MYBPC1: variants seen among roughly 807,000 people sequenced by gnomAD.
MYBPC1 encodes the protein myosin-binding protein C, slow-type.
In MYBPC1, 52 loss-of-function variants were observed where a neutral mutation model predicts 147.1. That is an observed-to-expected ratio of 0.35 (90% confidence interval 0.28 to 0.45). The LOEUF is 0.45. Among genes scored for constraint, MYBPC1 ranks in the 20% least tolerant of loss-of-function variants. The pLI is 1.00. For synonymous variants in MYBPC1, 477 were observed against 475.9 expected (o/e 1.00, Z -0.03); for missense variants, 1,228 against 1,440.3 (o/e 0.85, Z 2.39).
chr12:101,673,296 A>G, intron 24 of MYBPC1, 131 bp from the exon 25 acceptor site: 1 of 871,546 alleles, frequency 1.1e-6, no homozygotes, highest in Non-Finnish European at 1.9e-6. Context: ...ATTGCTCACC[A>G]CCAGACTAGA....
intron 1 of MYBPC1, among the ~76,000 whole-genome samples, chr12:101,599,728 T>C (rs990922581): frequency 1.3e-5 from 2 of 152,232 alleles, no homozygotes; most frequent in African/African-American, 4.8e-5. Flanking sequence ...AGGGCAATTG[T>C]TTCCCTTTTG....
chr12:101,651,108 G>T, intron 15 of MYBPC1, 123 bp from the exon 16 acceptor site: 1 of 1,036,392 alleles, frequency 9.6e-7, no homozygotes, highest in Admixed American at 1.7e-5. Context: ...AATTGCATTG[G>T]TACAGCTTCT....
chr12:101,662,804 C>T (rs913077630), intron 21 of MYBPC1, among the ~76,000 whole-genome samples: 1 of 152,184 alleles, frequency 6.6e-6, no homozygotes, highest in South Asian at 2.1e-4. Flanking sequence ...GATTGCCATT[C>T]CCCACTGAAA....
intron 19 of MYBPC1, 63 bp from the exon 20 acceptor site, chr12:101,661,095 T>C: frequency 2.0e-6 from 2 of 1,025,624 alleles, no homozygotes; most frequent in East Asian, 4.9e-5. Flanking sequence ...TATTTTCCTA[T>C]TAACTTTTTT....
chr12:101,685,796 T>G lies in MYBPC1; in HGVS notation c.*234T>G. 9.0e-6 allele frequency: 5 copies of G among 555,432 alleles called. No homozygotes were observed. The highest frequency in any genetic ancestry group is 1.5e-5 in the Non-Finnish European group (5 of 344,472). 34.4% of individuals were successfully genotyped at this position (555,432 alleles called of 1,614,324 possible). ...CCCCAAGTGTGGTCTTTTTCTTTCC[T>G]CCTAATGTTGAAGAGAAAAAAAAAA... On this transcript the variant is annotated 3_prime_UTR_variant, in exon 32 of 32. Transcript: ENST00000361466.
rs144925233 is a variant in MYBPC1 at position 101,648,479 on chromosome 12, G to T, written c.1196+329G>T. 1.9e-3 allele frequency among the ~76,000 whole-genome samples: 293 copies of T among 152,274 alleles called. 5 individuals carry two copies. The highest frequency in any genetic ancestry group is 6.7e-3 in the African/African-American group (280 of 41,560). On this transcript the variant is annotated intron_variant, in intron 14 of 31. Transcript: ENST00000361466. ...TTTATAGCAGGCTTCCTCTCACTAT[G>T]CCATATTGGCAACTTACATGAAAAA...
At chr12:101,661,096 T>G in intron 19 of MYBPC1, 62 bp from the exon 20 acceptor site, 1 of 1,042,420 alleles carries the variant, frequency 9.6e-7, no homozygotes, top group Non-Finnish European at 1.5e-6. Flanking sequence ...ATTTTCCTAT[T>G]AACTTTTTTT....
intron 24 of MYBPC1, among the ~76,000 whole-genome samples, chr12:101,671,369 G>C (rs540394859): frequency 6.7e-6 from 1 of 149,398 alleles, no homozygotes; most frequent in African/African-American, 2.5e-5. Flanking sequence ...ATGCACACAT[G>C]CACACACAGA....
chr12:101,691,170 C>A, the MYBPC1 span, among the ~76,000 whole-genome samples: 1 of 152,184 alleles, frequency 6.6e-6, no homozygotes, highest in African/African-American at 2.4e-5. Context: ...CTCCTGGGTT[C>A]AAGCAATTCT....
chr12:101,598,359 A>G (rs929305348), intron 1 of MYBPC1, among the ~76,000 whole-genome samples: 3 of 152,032 alleles, frequency 2.0e-5, no homozygotes, highest in African/African-American at 7.2e-5. Flanking sequence ...TTTTCCAGTC[A>G]AAAAGAAATT....
At chr12:101,628,818 C>T (rs1334212555) in intron 5 of MYBPC1, among the ~76,000 whole-genome samples, 2 of 152,196 alleles carry the variant, frequency 1.3e-5, no homozygotes, top group East Asian at 3.8e-4. Flanking sequence ...TTTTGCTTTT[C>T]CCCCTTGCAG....
intron 7 of MYBPC1, 22 bp downstream of exon 7, chr12:101,631,741 A>T (rs985216959): frequency 2.0e-5 from 33 of 1,613,734 alleles, no homozygotes; most frequent in Non-Finnish European, 2.7e-5. Flanking sequence ...AACTCCCAGG[A>T]CAGGCGCTCA....
chr12:101,670,280 C>A (rs3751246), intron 23 of MYBPC1, 41 bp from the exon 24 acceptor site: 2 of 1,541,290 alleles, frequency 1.3e-6, no homozygotes, highest in Non-Finnish European at 1.8e-6. Context: ...TTTTCAGACA[C>A]CAGACTGATT....
At chr12:101,692,427 G>A in the MYBPC1 span, among the ~76,000 whole-genome samples, 56 of 152,256 alleles carry the variant, frequency 3.7e-4, no homozygotes, top group Admixed American at 2.8e-3. Flanking sequence ...TTTTGCAGTC[G>A]TTGGGAACAT....
chr12:101,694,315 C>T, the MYBPC1 span, among the ~76,000 whole-genome samples: 1 of 152,126 alleles, frequency 6.6e-6, no homozygotes, highest in Non-Finnish European at 1.5e-5. Flanking sequence ...AAAGTGCAGT[C>T]ACATGTTTTT....
At chr12:101,691,344 T>C in the MYBPC1 span, among the ~76,000 whole-genome samples, 4 of 152,194 alleles carry the variant, frequency 2.6e-5, no homozygotes, top group Non-Finnish European at 5.9e-5. Context: ...AGTGCTGGGA[T>C]TACAGGTGTG....
At chr12:101,629,955 T>G (rs1889542467) in intron 6 of MYBPC1, among the ~76,000 whole-genome samples, 1 of 152,144 alleles carries the variant, frequency 6.6e-6, no homozygotes, top group African/African-American at 2.4e-5. Flanking sequence ...ATTAGTACGT[T>G]CGCAATGTTG....
At chr12:101,631,438 A>C in intron 6 of MYBPC1, 133 bp from the exon 7 acceptor site, 1 of 1,060,972 alleles carries the variant, frequency 9.4e-7, no homozygotes, top group Non-Finnish European at 1.4e-6. Context: ...ATCAGGACGA[A>C]TTCATTTCAC....
intron 13 of MYBPC1, 111 bp downstream of exon 13, chr12:101,646,998 G>T: frequency 7.3e-7 from 1 of 1,373,138 alleles, no homozygotes; most frequent in Non-Finnish European, 1.0e-6. Context: ...AGCTATTATG[G>T]ATCCTAATGA....
Sources: gnomAD v4.1 joint callset for allele counts (sites outside exome capture counted in the v4.1 genomes callset) on GRCh38, gnomAD v4.1.1 for gene constraint, MANE v1.5 for transcripts, NCBI Gene and HGNC (gene_info 2026-07-23, HGNC 2026-07-21) for gene names.